Variants in PLEKHG4B observed in about 807,000 individuals in gnomAD.
The protein encoded by PLEKHG4B is pleckstrin homology and RhoGEF domain containing G4B, also known as pleckstrin homology domain-containing family G member 4B.
Under a neutral mutation model 121.3 loss-of-function variants are expected in PLEKHG4B, and 111 were observed. That is an observed-to-expected ratio of 0.92 (90% CI 0.78 to 1.07). The LOEUF is 1.07. Ranked by LOEUF, PLEKHG4B falls within the 50% of genes least tolerant of loss-of-function variation. The pLI, the probability that PLEKHG4B is intolerant of heterozygous loss-of-function variation, is 0.00. For missense variants in PLEKHG4B, 1,831 were observed against 1,757.8 expected, an observed-to-expected ratio of 1.04 and a Z score of -0.74; for synonymous variants, 738 against 725.0, an observed-to-expected ratio of 1.02 and a Z score of -0.29.
rs201677022 is a variant in PLEKHG4B, at chr5:161,804, C to T, written c.2509C>T (p.Gln837Ter). The part of the protein sequence containing the change: ...NDQQSCQKGL[Q>*]LAKENPQRTE... ...ACAGCAATCCTGCCAGAAAGGACTA[C>T]AGCTGGCGAAGGAGAACCCGCAACG... The change falls in exon 12 of 20, where the codon CAG becomes TAG. Residue 837 changes from glutamine (Q) to a stop codon, truncating the protein, a stop_gained. Coordinates refer to ENST00000637938, the MANE Select transcript of PLEKHG4B (RefSeq NM_052909.5). LOFTEE classifies it high-confidence loss of function. 2 of 1,613,794 alleles carry T rather than the reference C, an allele frequency of 1.2e-6. No homozygotes were observed. The highest frequency in any genetic ancestry group is 1.7e-5 in the Admixed American group (1 of 60,030).
At chr5:166,958 C>T (rs921255930) in intron 13 of PLEKHG4B, among the ~76,000 whole-genome samples, 1 of 152,300 alleles carries the variant, frequency 6.6e-6, no homozygotes, top group East Asian at 1.9e-4. Context: ...CAAGCGCTGT[C>T]CCTGAGTCTC....
At chr5:135,834 G>A (rs964641334) in intron 2 of PLEKHG4B, among the ~76,000 whole-genome samples, 1 of 149,754 alleles carries the variant, frequency 6.7e-6, no homozygotes, top group African/African-American at 2.5e-5. Context: ...AACTCAAGTG[G>A]AATCTCAGGA....
At chr5:120,048 A>G (rs529601010) in intron 2 of PLEKHG4B, among the ~76,000 whole-genome samples, 1 of 152,274 alleles carries the variant, frequency 6.6e-6, no homozygotes, top group South Asian at 2.1e-4. Flanking sequence ...GGAGTTCAGT[A>G]GCATCCTGGG....
In PLEKHG4B at chr5:102,083, T is replaced by G. The variant is rs911863891; in HGVS notation, c.45+9807T>G. 5.6e-5 allele frequency among the ~76,000 whole-genome samples: 7 copies of G among 125,814 alleles called. No individual in the cohort carries two copies. In the East Asian group the frequency reaches 1.1e-3, roughly 19 times the overall value. The allele number at this position is 125,814 out of a possible 152,430, so 82.5% of individuals were successfully genotyped here. On this transcript the variant is annotated intron_variant, in intron 1 of 19. Transcript: ENST00000637938. ...TGTGAGGTAAATCCATATAAAGCCC[T>G]GGAAAAAGTCTATAGGGGAGAGACT... is the stretch of plus-strand genomic sequence containing the variant.
intron 13 of PLEKHG4B, among the ~76,000 whole-genome samples, chr5:164,927 C>CAG (rs1345286276): frequency 1.3e-4 from 7 of 52,976 alleles, no homozygotes; most frequent in African/African-American, 3.7e-4. Flanking sequence ...GGAGCTCACA[C>CAG]TAATGCTGTG....
At chr5:168,199 G>A (rs1006256090) in intron 13 of PLEKHG4B, among the ~76,000 whole-genome samples, 1 of 152,176 alleles carries the variant, frequency 6.6e-6, no homozygotes, top group Non-Finnish European at 1.5e-5. Context: ...CACCCCTCAC[G>A]GGAACAGTGC....
At chr5:129,936 A>G (rs1286352890) in intron 2 of PLEKHG4B, among the ~76,000 whole-genome samples, 2 of 152,212 alleles carry the variant, frequency 1.3e-5, no homozygotes, top group African/African-American at 2.4e-5. Flanking sequence ...TCAGTGGGCA[A>G]GAGGACAGGC....
At chr5:172,577 C>T (rs1327571968) in intron 16 of PLEKHG4B, among the ~76,000 whole-genome samples, 2 of 152,012 alleles carry the variant, frequency 1.3e-5, no homozygotes, top group East Asian at 1.9e-4. Flanking sequence ...GACCCGGGAA[C>T]GGGGGCCGGG....
chr5:101,376 T>G (rs1234930336), intron 1 of PLEKHG4B, among the ~76,000 whole-genome samples: 2 of 120,028 alleles, frequency 1.7e-5, no homozygotes, highest in Non-Finnish European at 3.3e-5. Context: ...TGTTGTGAGG[T>G]TAATCCATAT....
Position 110,037 on chromosome 5 carries a change from C to T in PLEKHG4B, c.46-3214C>T, listed in dbSNP as rs574137933. 1.0e-3 allele frequency among the ~76,000 whole-genome samples: 153 copies of T among 151,254 alleles called. 1 individual carries two copies. Among genetic ancestry groups the T allele is most frequent in the Non-Finnish European group, 9.4e-4 (64 of 67,766 alleles). On this transcript the variant is annotated intron_variant, in intron 1 of 19. Transcript: ENST00000637938. ...TGTAACACACGTGCACACACCCACA[C>T]AATCTGCAAGACACGTGCACACACC...
chr5:162,260 TGCGAGCTCCCACGCGCCCCAGACCGCAC>T (rs1560940782), intron 12 of PLEKHG4B, among the ~76,000 whole-genome samples: 13 of 70,588 alleles, frequency 1.8e-4, no homozygotes, highest in South Asian at 1.6e-3. Context: ...ACTGCTCGCC[TGCGAGCTCCCACGCGCCCCAGACCGCAC>T]GCCTGCGAGC....
chr5:164,312 C>T (rs1736159110), intron 13 of PLEKHG4B, among the ~76,000 whole-genome samples: 1 of 152,250 alleles, frequency 6.6e-6, no homozygotes, highest in African/African-American at 2.4e-5. Flanking sequence ...AGCACGAAAC[C>T]TAGATCCCTC....
Position 142,483 on chromosome 5 carries a change from A to T in PLEKHG4B, c.1478-564A>T, listed in dbSNP as rs189506912. On this transcript the variant is annotated intron_variant, in intron 3 of 19. Transcript: ENST00000637938. ...ACAATCACATGCTCCAGAGTTACAC[A>T]TATCACACACGCAGTCACACCACAC... Among the ~76,000 whole-genome samples, 423 of 151,538 alleles carry T rather than the reference A, an allele frequency of 2.8e-3. 4 individuals carry two copies. The highest frequency in any genetic ancestry group is 9.7e-3 in the African/African-American group (399 of 41,294).
In PLEKHG4B at chr5:163,269, C is replaced by A. The variant is rs775774472; in HGVS notation, c.3197C>A (p.Thr1066Asn). The change falls in exon 13 of 20, where the codon ACC becomes AAC. Residue 1066 changes from threonine to asparagine, a missense_variant. Physicochemically the swap from Thr to Asn is moderately conservative, Grantham distance 65. Coordinates refer to ENST00000637938, the MANE Select transcript of PLEKHG4B (RefSeq NM_052909.5). ...GCCTGTTCCTCTGAGCCCACCCAGA[C>A]CCTGGCCAGCCGCCCCAGGAAACAT... ...SSACSSEPTQ[T>N]LASRPRKHPQ... 5.0e-6 allele frequency: 8 copies of A among 1,612,688 alleles called. No homozygotes were observed. Among genetic ancestry groups the A allele is most frequent in the Non-Finnish European group, 6.8e-6 (8 of 1,179,852 alleles).
At chr5:119,008 A>G (rs1734389025) in intron 2 of PLEKHG4B, among the ~76,000 whole-genome samples, 1 of 151,864 alleles carries the variant, frequency 6.6e-6, no homozygotes, top group African/African-American at 2.4e-5. Flanking sequence ...GTGCCACCAC[A>G]CCTGGCTAAT....
At position 171,710 on chromosome 5, in the gene PLEKHG4B, C is replaced by T. The variant is rs902353702; in HGVS notation, c.4050+266C>T. Reference sequence around the variant, plus strand: ...ACAATGGCTGGCAGATGTTGGCTGCCGTTCTACAGGACATGCAAAGCAGGC... The same window carrying T: ...ACAATGGCTGGCAGATGTTGGCTGCTGTTCTACAGGACATGCAAAGCAGGC... On this transcript the variant is annotated intron_variant, in intron 16 of 19. Transcript: ENST00000637938. Among the ~76,000 whole-genome samples, 42 of 152,292 alleles carry T rather than the reference C, an allele frequency of 2.8e-4. 1 individual carries two copies. The highest frequency in any genetic ancestry group is 8.2e-4 in the African/African-American group (34 of 41,550).
At chr5:108,636 CTG>C (rs1182766818) in intron 1 of PLEKHG4B, among the ~76,000 whole-genome samples, 67 of 134,886 alleles carry the variant, frequency 5.0e-4, no homozygotes, top group African/African-American at 1.9e-3. Flanking sequence ...TGTAGACAGA[CTG>C]GGTGCAGATG....
In PLEKHG4B at chr5:139,866, G is replaced by C. The variant is rs1302174491; in HGVS notation, c.627G>C (p.Gln209His). Reference protein sequence around the residue: ...VFVPSPGAILQSYSSCTGPER... With the variant: ...VFVPSPGAILHSYSSCTGPER... ...TCCCCAGCCCTGGAGCCATCCTGCA[G>C]AGCTACTCCAGCTGCACAGGTCCTG... The change falls in exon 3 of 20, where the codon CAG becomes CAC. Residue 209 changes from glutamine (Q) to histidine (H), a missense_variant. By Grantham distance (24) the Gln-to-His change is conservative. Transcript: ENST00000637938. The surrounding 1 kb of genome is among the most constrained non-coding windows in gnomAD (Gnocchi z 5.0). 1 of 399,862 alleles carries C rather than the reference G, an allele frequency of 2.5e-6. No homozygotes were observed. Among genetic ancestry groups the C allele is most frequent in the Non-Finnish European group, 4.4e-6 (1 of 227,078 alleles). The allele number at this position is 399,862 out of a possible 1,614,324, so 24.8% of individuals were successfully genotyped here. A position where few individuals can be genotyped will look rare whatever the true frequency, so the allele number is the denominator to read the frequency against.
chr5:165,713 C>G (rs1283542425), intron 13 of PLEKHG4B, among the ~76,000 whole-genome samples: 1 of 35,770 alleles, frequency 2.8e-5, no homozygotes, highest in African/African-American at 1.1e-4. Flanking sequence ...GGAGCTCACA[C>G]TAATGCTCTG....
Sources: allele counts gnomAD v4.1 joint callset (sites outside exome capture counted in the v4.1 genomes callset), GRCh38; gene constraint gnomAD v4.1.1; non-coding constraint Gnocchi (gnomAD v3.1); transcripts MANE v1.5; gene names NCBI Gene and HGNC (gene_info 2026-07-23, HGNC 2026-07-21).